The following RANBP2 variants were observed in gnomAD, a reference collection of about 807,000 sequenced individuals.
RANBP2 encodes the protein RAN binding protein 2.
RANBP2 carries 57 observed loss-of-function variants against 303.6 expected under a neutral mutation model. The ratio of observed to expected loss-of-function variants is 0.19; its 90% CI spans 0.15 to 0.23. The LOEUF is 0.23. RANBP2 is among the 10% of genes least tolerant of loss of function. RANBP2 has a pLI of 1.00. For missense variants in RANBP2, 3,138 were observed against 3,780.8 expected (o/e 0.83, Z 4.46); for synonymous variants, 1,167 against 1,301.5 (o/e 0.90, Z 2.23).
At chr2:109,588,337 GTTTT>G in the RANBP2 span, among the ~76,000 whole-genome samples, 73 of 151,934 alleles carry the variant, frequency 4.8e-4, no homozygotes, top group African/African-American at 1.6e-3. Context: ...TGTAAGAGAG[GTTTT>G]TTTTAACTTC....
chr2:109,174,732 C>T, the RANBP2 span, among the ~76,000 whole-genome samples: 2 of 152,204 alleles, frequency 1.3e-5, no homozygotes, highest in African/African-American at 4.8e-5. Context: ...AACCCAGCGT[C>T]TTTGGAGGAA....
the RANBP2 span, among the ~76,000 whole-genome samples, chr2:109,742,421 C>CA: frequency 1.5e-5 from 2 of 129,158 alleles, no homozygotes; most frequent in Admixed American, 8.2e-5. Context: ...AACTCCTTCT[C>CA]AAAAAAACAA....
the RANBP2 span, among the ~76,000 whole-genome samples, chr2:109,064,931 G>A: frequency 6.6e-6 from 1 of 152,166 alleles, no homozygotes; most frequent in African/African-American, 2.4e-5. Context: ...CGCATGAGCT[G>A]GATAATGAAA....
intron 6 of RANBP2, among the ~76,000 whole-genome samples, chr2:108,738,454 G>A (rs1338830299): frequency 2.0e-5 from 3 of 151,822 alleles, no homozygotes; most frequent in Non-Finnish European, 4.4e-5. Context: ...TGACCTTCCA[G>A]TACCTTGTGA....
the RANBP2 span, among the ~76,000 whole-genome samples, chr2:109,073,451 G>A: frequency 5.9e-5 from 9 of 152,088 alleles, no homozygotes; most frequent in South Asian, 2.1e-4. Flanking sequence ...GGTGGATCAC[G>A]AGGTCAGGAG....
the RANBP2 span, among the ~76,000 whole-genome samples, chr2:109,005,714 C>T: frequency 6.6e-6 from 1 of 152,224 alleles, no homozygotes; most frequent in Non-Finnish European, 1.5e-5. Context: ...AGGAGCCCAG[C>T]TTCCATCTGG....
chr2:108,988,984 C>T, the RANBP2 span: 1 of 152,258 alleles, frequency 6.6e-6, no homozygotes, highest in South Asian at 2.1e-4. Context: ...AGGTCAGCTT[C>T]AGTCCCAGCA....
the RANBP2 span, among the ~76,000 whole-genome samples, chr2:109,519,992 C>T: frequency 0.028 from 4,249 of 152,250 alleles, 219 homozygotes; most frequent in African/African-American, 0.097. Context: ...CATGCATCTA[C>T]ACGTGAGATG....
chr2:109,662,738 C>A, the RANBP2 span, among the ~76,000 whole-genome samples: 1 of 152,082 alleles, frequency 6.6e-6, no homozygotes, highest in East Asian at 1.9e-4. Context: ...TAGGTGTTTC[C>A]CTCAGTGAAT....
At chr2:108,771,595 G>C in intron 20 of RANBP2, 106 bp from the exon 21 acceptor site, 1 of 1,540,968 alleles carries the variant, frequency 6.5e-7, no homozygotes, top group East Asian at 2.3e-5. Flanking sequence ...TTATCAGTAT[G>C]CTGTTTTAAC....
At chr2:108,986,441 C>T in the RANBP2 span, among the ~76,000 whole-genome samples, 52 of 152,208 alleles carry the variant, frequency 3.4e-4, 1 homozygote, top group South Asian at 0.01. Flanking sequence ...GTCATTGCAC[C>T]ATCTCCTTGT....
the RANBP2 span, among the ~76,000 whole-genome samples, chr2:108,988,267 T>C: frequency 6.6e-6 from 1 of 152,138 alleles, no homozygotes; most frequent in Non-Finnish European, 1.5e-5. Context: ...TGAGCTGACA[T>C]CTCAAAGCTT....
At chr2:109,693,536 C>T in the RANBP2 span, among the ~76,000 whole-genome samples, 1 of 152,196 alleles carries the variant, frequency 6.6e-6, no homozygotes, top group African/African-American at 2.4e-5. Context: ...GTAAGTCTCA[C>T]AACATCTGAT....
At chr2:109,301,335 C>T in the RANBP2 span, among the ~76,000 whole-genome samples, 2 of 132,108 alleles carry the variant, frequency 1.5e-5, no homozygotes, top group Admixed American at 1.7e-4. Flanking sequence ...ATCTGTGTGA[C>T]GTGTGTGTGT....
At chr2:109,636,770 A>G in the RANBP2 span, among the ~76,000 whole-genome samples, 1 of 152,138 alleles carries the variant, frequency 6.6e-6, no homozygotes, top group Non-Finnish European at 1.5e-5. Context: ...AAACCCCGTC[A>G]CTACCAAAAA....
chr2:108,861,917 A>AT, the RANBP2 span, among the ~76,000 whole-genome samples: 16 of 151,744 alleles, frequency 1.1e-4, no homozygotes, highest in Admixed American at 3.9e-4. Context: ...GTTTCAAAGA[A>AT]TTTTTTTTTA....
the RANBP2 span, among the ~76,000 whole-genome samples, chr2:109,000,304 A>T: frequency 6.6e-6 from 1 of 152,146 alleles, no homozygotes; most frequent in Non-Finnish European, 1.5e-5. Flanking sequence ...AGGTGGGAGG[A>T]TCACTTGAGC....
At chr2:108,960,240 C>T in the RANBP2 span, among the ~76,000 whole-genome samples, 1 of 152,226 alleles carries the variant, frequency 6.6e-6, no homozygotes, top group Non-Finnish European at 1.5e-5. Flanking sequence ...ACAAGAGCCT[C>T]AAACTGAGGA....
chr2:109,375,735 G>A, the RANBP2 span, among the ~76,000 whole-genome samples: 1 of 152,236 alleles, frequency 6.6e-6, no homozygotes, highest in African/African-American at 2.4e-5. Flanking sequence ...GAGCACCCCT[G>A]CAGCCCCCCT....
Sources: gnomAD v4.1 joint callset for allele counts (sites outside exome capture counted in the v4.1 genomes callset) on GRCh38, gnomAD v4.1.1 for gene constraint, MANE v1.5 for transcripts, NCBI Gene and HGNC (gene_info 2026-07-23, HGNC 2026-07-21) for gene names.